Variants in KCND2 observed in about 807,000 individuals in gnomAD.
KCND2 encodes A-type voltage-gated potassium channel KCND2.
KCND2 carries 16 observed loss-of-function variants against 54.4 expected under a neutral mutation model. That is an observed-to-expected ratio of 0.29 (90% CI 0.20 to 0.45). The LOEUF is 0.45. Among genes scored for constraint, KCND2 ranks in the 20% least tolerant of loss-of-function variants. The pLI is 1.00. For missense variants in KCND2, 486 were observed against 824.2 expected, an observed-to-expected ratio of 0.59 and a Z score of 5.02; for synonymous variants, 317 against 310.7, an observed-to-expected ratio of 1.02 and a Z score of -0.21.
At chr7:120,576,228 A>G (rs1562877414) in intron 1 of KCND2, among the ~76,000 whole-genome samples, 2 of 152,196 alleles carry the variant, frequency 1.3e-5, no homozygotes, top group Non-Finnish European at 2.9e-5. Flanking sequence ...CAAAGATGAA[A>G]AATTTTTGAA....
intron 5 of KCND2, among the ~76,000 whole-genome samples, chr7:120,746,524 G>T (rs541769996): frequency 4.6e-5 from 7 of 152,078 alleles, no homozygotes; most frequent in Non-Finnish European, 1.0e-4. Flanking sequence ...TGATCAGAAA[G>T]GTATTTTTGG....
At chr7:120,365,651 A>G (rs953302584) in intron 1 of KCND2, among the ~76,000 whole-genome samples, 2 of 152,160 alleles carry the variant, frequency 1.3e-5, no homozygotes, top group African/African-American at 4.8e-5. Context: ...ATAAGAAAAT[A>G]TTGAGATGTC....
At chr7:120,369,179 T>C (rs1222836034) in intron 1 of KCND2, among the ~76,000 whole-genome samples, 1 of 151,936 alleles carries the variant, frequency 6.6e-6, no homozygotes, top group East Asian at 1.9e-4. Flanking sequence ...AAGTTTCAAA[T>C]TAATATTTTT....
chr7:120,578,592 C>T (rs1326347355), intron 1 of KCND2, among the ~76,000 whole-genome samples: 2 of 152,070 alleles, frequency 1.3e-5, no homozygotes, highest in South Asian at 4.1e-4. Context: ...ATTAGCCAGG[C>T]GCAGTGGTTC....
chr7:120,399,366 A>C (rs1253484421), intron 1 of KCND2, among the ~76,000 whole-genome samples: 1 of 151,208 alleles, frequency 6.6e-6, no homozygotes, highest in Non-Finnish European at 1.5e-5. Flanking sequence ...AGAGAAAAAA[A>C]CATAGAGAAA....
chr7:120,278,270 A>G (rs560313808), intron 1 of KCND2, among the ~76,000 whole-genome samples: 2 of 152,092 alleles, frequency 1.3e-5, no homozygotes, highest in South Asian at 4.1e-4. Flanking sequence ...AAAATATTCA[A>G]TAAAAGCCAT....
At chr7:120,297,880 T>C (rs1799532669) in intron 1 of KCND2, among the ~76,000 whole-genome samples, 1 of 152,150 alleles carries the variant, frequency 6.6e-6, no homozygotes, top group African/African-American at 2.4e-5. Flanking sequence ...TCTTTCAAAC[T>C]GTGTTAATGC....
chr7:120,554,047 A>T (rs1792132945), intron 1 of KCND2, among the ~76,000 whole-genome samples: 2 of 152,204 alleles, frequency 1.3e-5, no homozygotes, highest in African/African-American at 2.4e-5. Flanking sequence ...ATGAGAATTA[A>T]AAGTGTTTTG....
chr7:120,622,408 A>T (rs1793110149), intron 1 of KCND2, among the ~76,000 whole-genome samples: 1 of 152,114 alleles, frequency 6.6e-6, no homozygotes, highest in Admixed American at 6.5e-5. Context: ...CAGACCGGTG[A>T]ATGGGAGTTT....
At chr7:120,458,214 TTAA>T (rs1455064591) in intron 1 of KCND2, among the ~76,000 whole-genome samples, 1 of 152,188 alleles carries the variant, frequency 6.6e-6, no homozygotes, top group African/African-American at 2.4e-5. Flanking sequence ...GAAGGAAATA[TTAA>T]GTGTCCGTGC....
At chr7:120,282,074 A>G (rs1360357923) in intron 1 of KCND2, among the ~76,000 whole-genome samples, 6 of 152,284 alleles carry the variant, frequency 3.9e-5, no homozygotes, top group African/African-American at 1.2e-4. Context: ...TTTCTGGTGA[A>G]GTCCAGGTAA....
intron 1 of KCND2, among the ~76,000 whole-genome samples, chr7:120,302,138 A>G (rs981611181): frequency 4.6e-5 from 7 of 152,200 alleles, no homozygotes; most frequent in South Asian, 2.1e-4. Context: ...ACAATAATCA[A>G]TATCAGTAGT....
At chr7:120,679,838 A>G (rs1339168329) in intron 1 of KCND2, among the ~76,000 whole-genome samples, 3 of 152,106 alleles carry the variant, frequency 2.0e-5, no homozygotes, top group African/African-American at 7.2e-5. Flanking sequence ...GTACCCAAAA[A>G]GGGGTTCTTT....
At chr7:120,681,384 G>A (rs1360429170) in intron 1 of KCND2, among the ~76,000 whole-genome samples, 1 of 151,992 alleles carries the variant, frequency 6.6e-6, no homozygotes, top group Non-Finnish European at 1.5e-5. Flanking sequence ...TTTTGATGGA[G>A]GAATGGGGAA....
intron 1 of KCND2, among the ~76,000 whole-genome samples, chr7:120,359,080 T>G (rs1358992359): frequency 6.6e-6 from 1 of 152,152 alleles, no homozygotes; most frequent in Non-Finnish European, 1.5e-5. Flanking sequence ...CTATTGTGCT[T>G]TATTTTGGAT....
At chr7:120,363,784 C>G (rs1800628339) in intron 1 of KCND2, among the ~76,000 whole-genome samples, 2 of 152,068 alleles carry the variant, frequency 1.3e-5, no homozygotes, top group African/African-American at 4.8e-5. Context: ...TGATCTTCTC[C>G]TACCCTTACA....
chr7:120,528,659 A>G (rs970775280), intron 1 of KCND2, among the ~76,000 whole-genome samples: 2 of 152,194 alleles, frequency 1.3e-5, no homozygotes, highest in East Asian at 1.9e-4. Context: ...ATACACAAAG[A>G]TGATACACAT....
chr7:120,682,583 A>G (rs1208012697), intron 1 of KCND2, among the ~76,000 whole-genome samples: 1 of 152,128 alleles, frequency 6.6e-6, no homozygotes, highest in Non-Finnish European at 1.5e-5. Flanking sequence ...CTAATCAGCC[A>G]TTTAATGATT....
At chr7:120,324,539 C>G (rs1174651995) in intron 1 of KCND2, among the ~76,000 whole-genome samples, 3 of 150,110 alleles carry the variant, frequency 2.0e-5, no homozygotes. Context: ...TTTCCCAGCA[C>G]CATTTATTAA....
Sources: gnomAD v4.1 joint callset for allele counts (sites outside exome capture counted in the v4.1 genomes callset) on GRCh38, gnomAD v4.1.1 for gene constraint, MANE v1.5 for transcripts, NCBI Gene and HGNC (gene_info 2026-07-23, HGNC 2026-07-21) for gene names.